The following S1PR3 variants were observed in gnomAD, a reference collection of about 807,000 sequenced individuals.
The protein encoded by S1PR3 is sphingosine 1-phosphate receptor 3.
S1PR3 carries 12 observed loss-of-function variants against 13.3 expected under a neutral mutation model. The ratio of observed to expected loss-of-function variants is 0.90; its 90% CI spans 0.58 to 1.46. S1PR3 has a LOEUF of 1.46. S1PR3 is among the 40% of genes most tolerant of loss of function. The pLI is 0.00. For missense variants in S1PR3, 450 were observed against 501.9 expected (o/e 0.90, Z 0.99); for synonymous variants, 232 against 214.0 (o/e 1.08, Z -0.73).
In S1PR3 at chr9:89,002,445, C is replaced by T; in HGVS notation, c.*108C>T. The T allele has an allele frequency of 1.5e-6, 2 of 1,313,256 alleles. No homozygotes were observed. The highest frequency in any genetic ancestry group is 1.0e-6 in the Non-Finnish European group (1 of 952,404). The allele number at this position is 1,313,256 out of a possible 1,614,324, so 81.4% of individuals were successfully genotyped here. On this transcript the variant is annotated 3_prime_UTR_variant, in exon 2 of 2. Transcript: ENST00000358157. ...CTCGGGAGAGCTACCTTACTTTGAC[C>T]AACAGCCTGCCCAGTGTGGATGTCT...
upstream of S1PR3, chr9:88,991,459 C>G (rs773969150): frequency 3.0e-5 from 47 of 1,546,330 alleles, no homozygotes; most frequent in African/African-American, 6.3e-4. The surrounding 1 kb of genome is among the most constrained non-coding windows in gnomAD (Gnocchi z 4.0). Context: ...GTCTCTGACT[C>G]GCTCGGGCAG....
chr9:88,992,176 A>C, intron 1 of S1PR3: 1 of 720,734 alleles, frequency 1.4e-6, no homozygotes, highest in Non-Finnish European at 2.3e-6. Flanking sequence ...CCACAGTGCA[A>C]TAATGAGGTT....
rs149327813 is a variant in S1PR3 at position 89,001,359 on chromosome 9, C to A, written c.159C>A (p.Ile53=). ...TCTTCTTGGTCATCTGCAGCTTCAT[C>A]GTCTTGGAGAACCTGATGGTTTTGA... ...TVLFLVICSF[I]VLENLMVLIA... The change falls in exon 2 of 2, where the codon ATC becomes ATA. Residue 53 remains isoleucine (I), a synonymous_variant. Coordinates refer to ENST00000358157, the MANE Select transcript of S1PR3 (RefSeq NM_005226.4). 2 of 1,614,214 alleles carry A rather than the reference C, an allele frequency of 1.2e-6. No individual in the cohort carries two copies. Among genetic ancestry groups the A allele is most frequent in the East Asian group, 2.2e-5 (1 of 44,880 alleles).
Position 89,001,341 on chromosome 9 carries a change from G to T in S1PR3, c.141G>T (p.Leu47Phe). 6.2e-7 allele frequency: 1 copy of T among 1,614,164 alleles called. No individual in the cohort carries two copies. Among genetic ancestry groups the T allele is most frequent in the South Asian group, 1.1e-5 (1 of 91,082 alleles). Residue 47 changes from leucine to phenylalanine, a missense_variant, in exon 2 of 2, where the codon TTG becomes TTT. By Grantham distance (22) the Leu-to-Phe change is conservative. Coordinates refer to ENST00000358157, the MANE Select transcript of S1PR3 (RefSeq NM_005226.4). ...EGSTLTTVLF[L>F]VICSFIVLEN... is the part of the protein sequence containing the mutation. ...GCACGCTCACCACCGTGCTCTTCTT[G>T]GTCATCTGCAGCTTCATCGTCTTGG... is the stretch of plus-strand genomic sequence containing the variant.
In S1PR3 at chr9:88,991,792, G is replaced by C; in HGVS notation, c.-148+97G>C. 6.3e-7 allele frequency: 1 copy of C among 1,598,944 alleles called. No homozygotes were observed. The highest frequency in any genetic ancestry group is 8.5e-7 in the Non-Finnish European group (1 of 1,172,164). ...CAAAATCCCCACCGATCCCGGGCGC[G>C]ACGGGGACTTGGGCGCGCCACGGCG... On this transcript the variant is annotated intron_variant, in intron 1 of 1. Coordinates refer to ENST00000358157, the MANE Select transcript of S1PR3 (RefSeq NM_005226.4). This position sits in a 1 kb window ranked among gnomAD's most constrained non-coding sequence, Gnocchi z 4.0.
In S1PR3 at chr9:89,001,206, A is replaced by G; in HGVS notation, c.6A>G (p.Ala2=). 1 of 1,612,230 alleles carries G rather than the reference A, an allele frequency of 6.2e-7. No individual in the cohort carries two copies. The highest frequency in any genetic ancestry group is 1.7e-5 in the Admixed American group (1 of 60,008). The change falls in exon 2 of 2, where the codon GCA becomes GCG. Residue 2 remains alanine, a synonymous_variant. Transcript: ENST00000358157. M[A]TALPPRLQPV... is the part of the protein sequence containing the mutation. Reference sequence around the variant, plus strand: ...TCGTCTGTGAATGCCAAGTGATGGCAACTGCCCTCCCGCCGCGTCTCCAGC... The same window carrying G: ...TCGTCTGTGAATGCCAAGTGATGGCGACTGCCCTCCCGCCGCGTCTCCAGC...
At chr9:88,997,902 C>A (rs572383988) in intron 1 of S1PR3, 2 of 152,444 alleles carry the variant, frequency 1.3e-5, no homozygotes, top group Admixed American at 1.3e-4. Context: ...TCACAGACTG[C>A]CTTTGCTCCA....
At chr9:88,992,208 G>A (rs1039143183) in intron 1 of S1PR3, 3 of 628,304 alleles carry the variant, frequency 4.8e-6, no homozygotes, top group African/African-American at 1.8e-5. Context: ...TCAGTACGTT[G>A]TGTTCGTAAC....
chr9:88,994,987 A>T (rs1825780765), intron 1 of S1PR3: 1 of 167,144 alleles, frequency 6.0e-6, no homozygotes, highest in Non-Finnish European at 1.5e-5. Flanking sequence ...CACCCAAGAA[A>T]TCTAGAGCAA....
upstream of S1PR3, chr9:88,991,305 G>T: frequency 6.6e-7 from 1 of 1,516,056 alleles, no homozygotes; most frequent in South Asian, 1.3e-5. The surrounding 1 kb of genome is among the most constrained non-coding windows in gnomAD (Gnocchi z 4.0). Flanking sequence ...CAGGCGGCTT[G>T]AGCGGGAGGT....
At chr9:88,995,610 A>G (rs1046028005) in intron 1 of S1PR3, 5 of 167,138 alleles carry the variant, frequency 3.0e-5, no homozygotes, top group African/African-American at 1.2e-4. Flanking sequence ...GGTAGGCTGG[A>G]TGAACCCAGC....
In S1PR3 at chr9:89,002,193, G is replaced by A. The variant is rs145599244; in HGVS notation, c.993G>A (p.Ala331=). 66 of 1,613,820 alleles carry A rather than the reference G, an allele frequency of 4.1e-5. No homozygotes were observed. The highest frequency in any genetic ancestry group is 5.0e-5 in the Admixed American group (3 of 59,996). The change falls in exon 2 of 2, where the codon GCG becomes GCA. Residue 331 remains alanine, a synonymous_variant. Transcript: ENST00000358157. The part of the protein sequence containing the change: ...RGARASPIQP[A]LDPSRSKSSS... ...CCCGCGCCTCACCCATCCAGCCTGC[G>A]CTCGACCCAAGCAGAAGTAAATCAA...
At position 88,995,208 on chromosome 9, in the gene S1PR3, C is replaced by G. The variant is rs12336695; in HGVS notation, c.-148+3513C>G. On this transcript the variant is annotated intron_variant, in intron 1 of 1. Transcript: ENST00000358157. Reference sequence around the variant, plus strand: ...TACATGCCTATTAAAAATATAGCATCCTGCATCTGACCAAGATGCTATCTT... The same window carrying G: ...TACATGCCTATTAAAAATATAGCATGCTGCATCTGACCAAGATGCTATCTT... 240 of 167,144 alleles carry G rather than the reference C, an allele frequency of 1.4e-3. 2 individuals carry two copies. Among genetic ancestry groups the G allele is most frequent in the African/African-American group, 5.1e-3 (211 of 41,544 alleles). 10.4% of individuals were successfully genotyped at this position (167,144 alleles called of 1,614,324 possible).
At chr9:88,991,362 GGGGGCGGGGAGA>G (rs1454945314), upstream of S1PR3, 4 of 1,200,312 alleles carry the variant, frequency 3.3e-6, no homozygotes, top group Admixed American at 4.4e-5. This position sits in a 1 kb window ranked among gnomAD's most constrained non-coding sequence, Gnocchi z 4.0. Context: ...ACGGGGAGAG[GGGGGCGGGGAGA>G]GGGGCGGGAG....
Position 89,002,334 on chromosome 9 carries a change from C to G in S1PR3, c.1134C>G (p.Asn378Lys). The G allele has an allele frequency of 3.7e-6, 6 of 1,613,726 alleles. No homozygotes were observed. Among genetic ancestry groups the G allele is most frequent in the Non-Finnish European group, 5.1e-6 (6 of 1,179,696 alleles). Residue 378 changes from asparagine to lysine, a missense_variant, in exon 2 of 2, where the codon AAC (asparagine) becomes AAG (lysine). Transcript: ENST00000358157. ...CACTTCAGAATGGGATCTTCTGCAA[C>G]TGATCGTCTCCATGCGCCCTGCTCT... ...NAALQNGIFC[N>K]
intron 1 of S1PR3, chr9:88,992,125 G>A: frequency 2.5e-6 from 3 of 1,209,454 alleles, no homozygotes; most frequent in Non-Finnish European, 3.5e-6. Flanking sequence ...CTCAAACAAG[G>A]CAATTAGGGC....
intron 1 of S1PR3, 61 bp from the exon 2 acceptor site, chr9:89,000,993 G>A: frequency 5.0e-6 from 3 of 597,008 alleles, no homozygotes; most frequent in South Asian, 4.2e-5. Flanking sequence ...CAGCGTTGCC[G>A]TGGCCCCTTA....
chr9:89,000,867 G>A (rs977825434), intron 1 of S1PR3, 187 bp from the exon 2 acceptor site: 14 of 320,486 alleles, frequency 4.4e-5, no homozygotes, highest in Non-Finnish European at 2.9e-5. Flanking sequence ...ACACCAAATC[G>A]CTTCCCATGG....
Position 89,002,387 on chromosome 9 carries a change from G to T in S1PR3, c.*50G>T. On this transcript the variant is annotated 3_prime_UTR_variant, in exon 2 of 2. Coordinates refer to ENST00000358157, the MANE Select transcript of S1PR3 (RefSeq NM_005226.4). ...GGCTGTGTTCTTATTTATTGCATGC[G>T]TCGCTTCCACAGGGGCCCCTCAAGA... 1 of 1,573,630 alleles carries T rather than the reference G, an allele frequency of 6.4e-7. No individual in the cohort carries two copies. The highest frequency in any genetic ancestry group is 1.3e-5 in the African/African-American group (1 of 74,358).
Sources: allele counts gnomAD v4.1 joint callset, GRCh38; gene constraint gnomAD v4.1.1; non-coding constraint Gnocchi (gnomAD v3.1); transcripts MANE v1.5; gene names NCBI Gene and HGNC (gene_info 2026-07-23, HGNC 2026-07-21).